Variants in GPC6 observed in about 807,000 individuals in gnomAD.
The protein encoded by GPC6 is glypican-6.
In GPC6, 14 loss-of-function variants were observed where a neutral mutation model predicts 55.2. The ratio of observed to expected loss-of-function variants is 0.25; its 90% CI spans 0.17 to 0.40. The LOEUF (loss-of-function observed/expected upper bound fraction) is 0.40. Among genes scored for constraint, GPC6 ranks in the 10% least tolerant of loss-of-function variants. The probability of loss-of-function intolerance (pLI) is 1.00; values close to 1 mark genes in which losing one functional copy is unlikely to be tolerated. For missense variants in GPC6, 641 were observed against 708.5 expected (o/e 0.90, Z 1.08); for synonymous variants, 278 against 259.6 (o/e 1.07, Z -0.68).
chr13:94,107,638 C>A (rs925477120), intron 4 of GPC6, among the ~76,000 whole-genome samples: 3 of 149,338 alleles, frequency 2.0e-5, no homozygotes, highest in Non-Finnish European at 4.4e-5. Flanking sequence ...CCGAGGCTGT[C>A]CTGAGGATAA....
chr13:93,719,082 A>G (rs989595480), intron 2 of GPC6, among the ~76,000 whole-genome samples: 8 of 152,052 alleles, frequency 5.3e-5, no homozygotes, highest in African/African-American at 1.7e-4. Context: ...TTTTGGTTCC[A>G]TATAAAATTT....
intron 4 of GPC6, among the ~76,000 whole-genome samples, chr13:94,215,128 G>A (rs750288211): frequency 2.6e-5 from 4 of 152,176 alleles, no homozygotes; most frequent in Non-Finnish European, 4.4e-5. Flanking sequence ...TTTCCTCACT[G>A]TATTGTTGAA....
At chr13:93,473,216 G>A (rs374161029) in intron 1 of GPC6, among the ~76,000 whole-genome samples, 20 of 152,292 alleles carry the variant, frequency 1.3e-4, no homozygotes, top group African/African-American at 2.9e-4. Flanking sequence ...TCCTGCTGCC[G>A]TCCATGGGCC....
In GPC6 at chr13:93,952,201, A is replaced by G. The variant is rs531223241; in HGVS notation, c.712-75528A>G. The stretch of plus-strand genomic sequence containing the variant: ...GAAAATTTGGCAATCAAACAGATCC[A>G]GAAGATAGAACTTATTGAAATCAGG... On this transcript the variant is annotated intron_variant, in intron 3 of 8. Coordinates refer to ENST00000377047, the MANE Select transcript of GPC6 (RefSeq NM_005708.5). Among the ~76,000 whole-genome samples the G allele has an allele frequency of 5.3e-5, 8 of 152,282 alleles. No individual in the cohort carries two copies. The East Asian group carries it at 1.5e-3, about 29-fold the overall frequency.
At chr13:93,813,241 C>A (rs1007341232) in intron 2 of GPC6, among the ~76,000 whole-genome samples, 1 of 151,960 alleles carries the variant, frequency 6.6e-6, no homozygotes, top group South Asian at 2.1e-4. Context: ...CTTGGTGAAA[C>A]CCCCGTCTCT....
At chr13:93,709,132 T>G (rs1350769949) in intron 2 of GPC6, among the ~76,000 whole-genome samples, 1 of 151,870 alleles carries the variant, frequency 6.6e-6, no homozygotes, top group African/African-American at 2.4e-5. Flanking sequence ...TGTTACTTAT[T>G]ATATTACTAA....
At chr13:93,506,752 C>T (rs558881013) in intron 1 of GPC6, among the ~76,000 whole-genome samples, 66 of 151,782 alleles carry the variant, frequency 4.3e-4, no homozygotes, top group African/African-American at 1.4e-3. Flanking sequence ...TTAAAAAGCC[C>T]GGAGTAGGCC....
chr13:94,253,113 G>A (rs982234564), intron 4 of GPC6, among the ~76,000 whole-genome samples: 1 of 152,098 alleles, frequency 6.6e-6, no homozygotes, highest in East Asian at 1.9e-4. Context: ...GAGGTATGTA[G>A]AGAGTATATG....
At chr13:93,248,179 G>A (rs1876665836) in intron 1 of GPC6, among the ~76,000 whole-genome samples, 1 of 152,102 alleles carries the variant, frequency 6.6e-6, no homozygotes, top group South Asian at 2.1e-4. Context: ...ACTATATATA[G>A]AAATATAGGT....
chr13:93,473,219 C>T (rs770793022), intron 1 of GPC6, among the ~76,000 whole-genome samples: 1 of 152,208 alleles, frequency 6.6e-6, no homozygotes, highest in Non-Finnish European at 1.5e-5. Context: ...TGCTGCCGTC[C>T]ATGGGCCCAG....
chr13:94,087,362 A>G (rs1457644042), intron 4 of GPC6, among the ~76,000 whole-genome samples: 2 of 152,242 alleles, frequency 1.3e-5, no homozygotes, highest in Non-Finnish European at 2.9e-5. Context: ...TCTAAGGTGT[A>G]AAATGAAAGC....
chr13:94,157,423 C>CA (rs1555302133), intron 4 of GPC6, among the ~76,000 whole-genome samples: 3 of 152,098 alleles, frequency 2.0e-5, no homozygotes, highest in African/African-American at 7.2e-5. Context: ...TGATAGGAGT[C>CA]AAAGCCCAGG....
upstream of GPC6, among the ~76,000 whole-genome samples, chr13:93,225,636 C>T (rs1439135806): frequency 6.6e-6 from 1 of 151,880 alleles, no homozygotes; most frequent in Non-Finnish European, 1.5e-5. Flanking sequence ...TCTTGAGAGT[C>T]TTTTTGGTGG....
intron 2 of GPC6, among the ~76,000 whole-genome samples, chr13:93,684,054 T>C (rs1226299954): frequency 2.0e-5 from 3 of 152,172 alleles, no homozygotes; most frequent in African/African-American, 7.2e-5. Flanking sequence ...CATCTAATGC[T>C]ATACTCCTAA....
chr13:94,318,825 G>GTA (rs2139127179), intron 6 of GPC6, among the ~76,000 whole-genome samples: 1 of 152,248 alleles, frequency 6.6e-6, no homozygotes, highest in South Asian at 2.1e-4. Flanking sequence ...AGCTTTATCA[G>GTA]TATATATAGT....
intron 2 of GPC6, among the ~76,000 whole-genome samples, chr13:93,677,269 T>G (rs1396653015): frequency 6.6e-6 from 1 of 152,186 alleles, no homozygotes; most frequent in Non-Finnish European, 1.5e-5. Context: ...TTTTTGCTTC[T>G]GTGATTTTAA....
intron 3 of GPC6, among the ~76,000 whole-genome samples, chr13:93,960,792 A>G (rs983517455): frequency 7.2e-6 from 1 of 138,050 alleles, no homozygotes. Flanking sequence ...TAACCAGTTT[A>G]TTGCTGGAAT....
At position 93,348,912 on chromosome 13, in the gene GPC6, C is replaced by A. The variant is rs1490998179; in HGVS notation, c.160+121296C>A. Among the ~76,000 whole-genome samples, 4 of 152,054 alleles carry A rather than the reference C, an allele frequency of 2.6e-5. No homozygotes were observed. In the East Asian group the frequency reaches 7.7e-4, roughly 29 times the overall value. ...CAAACATGGGATATTTTTTTCCCCT[C>A]CATAGAGAATACATAGGTCACTAAT... On this transcript the variant is annotated intron_variant, in intron 1 of 8. Coordinates refer to ENST00000377047, the MANE Select transcript of GPC6 (RefSeq NM_005708.5).
intron 1 of GPC6, among the ~76,000 whole-genome samples, chr13:93,297,069 C>T (rs967702217): frequency 1.3e-5 from 2 of 152,138 alleles, no homozygotes; most frequent in South Asian, 2.1e-4. Context: ...CCGCCAGATG[C>T]GTTCCTTGAG....
Sources: allele counts gnomAD v4.1 joint callset (sites outside exome capture counted in the v4.1 genomes callset), GRCh38; gene constraint gnomAD v4.1.1; transcripts MANE v1.5; gene names NCBI Gene and HGNC (gene_info 2026-07-23, HGNC 2026-07-21).